Variants in MMP26 observed in about 807,000 individuals in gnomAD.
MMP26 encodes the protein matrix metallopeptidase 26.
In MMP26, 33 loss-of-function variants were observed where a neutral mutation model predicts 31.0. That is an observed-to-expected ratio of 1.06 (90% CI 0.81 to 1.42). The LOEUF (loss-of-function observed/expected upper bound fraction) is 1.42, where lower values mean the gene tolerates loss of function less well. Ranked by LOEUF, MMP26 falls within the 40% of genes most tolerant of loss-of-function variation. The pLI is 0.00. For missense variants in MMP26, 347 were observed against 316.1 expected (o/e 1.10, Z -0.74); for synonymous variants, 122 against 114.9 (o/e 1.06, Z -0.40).
At chr11:4,960,077 C>G (rs1846500227) in intron 2 of MMP26, among the ~76,000 whole-genome samples, 1 of 122,456 alleles carries the variant, frequency 8.2e-6, no homozygotes, top group African/African-American at 3.1e-5. Context: ...ACTTCTGTCT[C>G]CAAGTTGGCT....
At chr11:4,955,500 C>G (rs113733838) in intron 2 of MMP26, 1 of 1,295,360 alleles carries the variant, frequency 7.7e-7, no homozygotes, top group Non-Finnish European at 1.1e-6. Flanking sequence ...AAACCCAAGT[C>G]TGACATAGCC....
At chr11:4,793,202 A>G (rs1376169472) in intron 2 of MMP26, among the ~76,000 whole-genome samples, 1 of 152,164 alleles carries the variant, frequency 6.6e-6, no homozygotes, top group Non-Finnish European at 1.5e-5. Context: ...CAGGTATTAT[A>G]AATAAATTGA....
intron 2 of MMP26, chr11:4,946,110 C>T (rs1395837850): frequency 7.2e-6 from 11 of 1,525,408 alleles, no homozygotes; most frequent in Non-Finnish European, 9.9e-6. Flanking sequence ...CTCAAATTTA[C>T]CTTAAATATC....
chr11:4,785,673 T>G (rs1036385152), intron 2 of MMP26, among the ~76,000 whole-genome samples: 4 of 152,222 alleles, frequency 2.6e-5, no homozygotes, highest in African/African-American at 9.6e-5. Flanking sequence ...CAAATATTTT[T>G]CCTTTCAAAT....
chr11:4,920,038 T>A (rs908002786), intron 2 of MMP26, among the ~76,000 whole-genome samples: 1 of 152,134 alleles, frequency 6.6e-6, no homozygotes. Context: ...TTTATGTGAT[T>A]ACAAGGGTAT....
chr11:4,745,496 A>G (rs1359147276), intron 1 of MMP26, among the ~76,000 whole-genome samples: 3 of 152,330 alleles, frequency 2.0e-5, no homozygotes, highest in Middle Eastern at 6.8e-3. Context: ...AAAGTACAGA[A>G]TTCCCATATA....
intron 1 of MMP26, among the ~76,000 whole-genome samples, chr11:4,766,029 A>C (rs1049962499): frequency 9.2e-5 from 14 of 152,252 alleles, no homozygotes; most frequent in African/African-American, 3.4e-4. Context: ...ATTCCAAATA[A>C]ATGTCCCTAC....
intron 2 of MMP26, among the ~76,000 whole-genome samples, chr11:4,873,548 G>T (rs1013842660): frequency 6.6e-6 from 1 of 151,996 alleles, no homozygotes; most frequent in African/African-American, 2.4e-5. Flanking sequence ...AGGTAATACA[G>T]AATTTGATCA....
chr11:4,803,485 G>A, intron 2 of MMP26: 1 of 1,614,040 alleles, frequency 6.2e-7, no homozygotes, highest in Non-Finnish European at 8.5e-7. Flanking sequence ...GATCTGTTTG[G>A]TTCTAACTCC....
chr11:4,839,839 C>T (rs1849770599), intron 2 of MMP26, among the ~76,000 whole-genome samples: 1 of 151,772 alleles, frequency 6.6e-6, no homozygotes, highest in Non-Finnish European at 1.5e-5. Context: ...ACCGTAGGTA[C>T]CAGCACAACC....
In MMP26 at chr11:4,952,594, A is replaced by G. The variant is rs1432383361; in HGVS notation, c.-144-35474A>G. ...AACATATGTAGTTCTGAATTTAAAA[A>G]CTAAAATGTACTCAAGATAATACTA... On this transcript the variant is annotated intron_variant, in intron 2 of 7. Transcript: ENST00000380390. Among the ~76,000 whole-genome samples, 6 of 125,110 alleles carry G rather than the reference A, an allele frequency of 4.8e-5. 1 individual carries two copies. Among genetic ancestry groups the G allele is most frequent in the African/African-American group, 1.6e-4 (6 of 36,922 alleles). 82.1% of individuals were successfully genotyped at this position (125,110 alleles called of 152,430 possible).
At chr11:4,741,784 A>G (rs768545662) in intron 1 of MMP26, among the ~76,000 whole-genome samples, 2 of 152,078 alleles carry the variant, frequency 1.3e-5, no homozygotes, top group Non-Finnish European at 2.9e-5. Flanking sequence ...ATAGAAATTA[A>G]AACAACAACA....
At chr11:4,739,936 A>G (rs1848290040) in intron 1 of MMP26, among the ~76,000 whole-genome samples, 1 of 152,182 alleles carries the variant, frequency 6.6e-6, no homozygotes, top group African/African-American at 2.4e-5. Context: ...AAATGTCACA[A>G]CAATAAGCTT....
rs1486720995 is a variant in MMP26, at chr11:4,988,119, G to C, written c.-93G>C. On this transcript the variant is annotated 5_prime_UTR_variant, in exon 3 of 8. Transcript: ENST00000380390. ...TTCAAAGAAAGGGCAAACTGGCAGA[G>C]TGAGTCATTGGATGTTGCTGGCACA... 9.0e-7 allele frequency: 1 copy of C among 1,106,644 alleles called. No individual in the cohort carries two copies. The highest frequency in any genetic ancestry group is 1.4e-6 in the Non-Finnish European group (1 of 718,256). 68.6% of individuals were successfully genotyped at this position (1,106,644 alleles called of 1,614,324 possible).
At chr11:4,848,424 A>AC (rs1344867099) in intron 2 of MMP26, 16 of 1,613,942 alleles carry the variant, frequency 9.9e-6, no homozygotes, top group Non-Finnish European at 1.2e-5. Context: ...CAGGAGGATC[A>AC]TAGGGATATA....
intron 2 of MMP26, among the ~76,000 whole-genome samples, chr11:4,842,822 G>T (rs1199675076): frequency 6.6e-6 from 1 of 152,152 alleles, no homozygotes; most frequent in Non-Finnish European, 1.5e-5. Flanking sequence ...GACAAGGCAA[G>T]TTTCTCACAC....
chr11:4,838,321 A>G (rs1849748523), intron 2 of MMP26, among the ~76,000 whole-genome samples: 1 of 100,798 alleles, frequency 9.9e-6, no homozygotes, highest in Non-Finnish European at 1.8e-5. Flanking sequence ...TGTCTAAAAA[A>G]AAAAAAAAAA....
At chr11:4,788,858 T>C (rs955478504) in intron 2 of MMP26, among the ~76,000 whole-genome samples, 1 of 152,126 alleles carries the variant, frequency 6.6e-6, no homozygotes, top group African/African-American at 2.4e-5. Flanking sequence ...GTTGTCAGCA[T>C]GTATTGAATG....
At chr11:4,856,652 A>AGAC (rs1850057976) in intron 2 of MMP26, among the ~76,000 whole-genome samples, 1 of 152,218 alleles carries the variant, frequency 6.6e-6, no homozygotes, top group Non-Finnish European at 1.5e-5. Flanking sequence ...TGTCAACATT[A>AGAC]GACAGATCAA....
Sources: allele counts gnomAD v4.1 joint callset (sites outside exome capture counted in the v4.1 genomes callset), GRCh38; gene constraint gnomAD v4.1.1; transcripts MANE v1.5; gene names NCBI Gene and HGNC (gene_info 2026-07-23, HGNC 2026-07-21).